GAS2: variants seen among roughly 807,000 people sequenced by gnomAD.
The protein encoded by GAS2 is growth arrest specific 2.
In GAS2, 20 loss-of-function variants were observed where a neutral mutation model predicts 37.5. The observed-to-expected ratio is 0.53, with a 90% CI of 0.37 to 0.77. The LOEUF (loss-of-function observed/expected upper bound fraction) is 0.77. Among genes scored for constraint, GAS2 ranks in the 30% least tolerant of loss-of-function variants. GAS2 has a pLI of 0.00. For synonymous variants in GAS2, 144 were observed against 132.2 expected (o/e 1.09, Z -0.61); for missense variants, 336 against 373.4 (o/e 0.90, Z 0.82).
At chr11:22,704,451 T>C (rs1333901396) in intron 3 of GAS2, among the ~76,000 whole-genome samples, 2 of 151,248 alleles carry the variant, frequency 1.3e-5, no homozygotes, top group Non-Finnish European at 3.0e-5. Context: ...ACCCAGTGTT[T>C]CCAGATACCA....
chr11:22,685,924 T>A, intron 3 of GAS2, 135 bp downstream of exon 3: 1 of 652,046 alleles, frequency 1.5e-6, no homozygotes, highest in Non-Finnish European at 2.3e-6. Flanking sequence ...TACAGAGAGT[T>A]CTTTTTAATT....
intron 7 of GAS2, among the ~76,000 whole-genome samples, chr11:22,804,238 T>C (rs1293891772): frequency 6.6e-6 from 1 of 152,072 alleles, no homozygotes; most frequent in African/African-American, 2.4e-5. Context: ...CAGAATATGT[T>C]AGAATGGCAA....
intron 2 of GAS2, among the ~76,000 whole-genome samples, chr11:22,675,257 G>A (rs75919373): frequency 0.018 from 2,780 of 152,270 alleles, 70 homozygotes; most frequent in African/African-American, 0.063. Context: ...TATGCAGTCA[G>A]ATTGCTTATT....
intron 3 of GAS2, among the ~76,000 whole-genome samples, chr11:22,695,906 C>A (rs1590653593): frequency 6.6e-6 from 1 of 152,138 alleles, no homozygotes; most frequent in East Asian, 1.9e-4. Context: ...CGTTTCTATT[C>A]TTCCTATGCA....
At chr11:22,712,830 A>C (rs543664293) in intron 3 of GAS2, among the ~76,000 whole-genome samples, 39 of 152,110 alleles carry the variant, frequency 2.6e-4, no homozygotes, top group Admixed American at 8.5e-4. Context: ...TAATTCCAGC[A>C]CTTTAGGAGG....
chr11:22,740,320 A>G (rs1853005767), intron 5 of GAS2, among the ~76,000 whole-genome samples: 1 of 152,232 alleles, frequency 6.6e-6, no homozygotes, highest in African/African-American at 2.4e-5. Context: ...GATTATTCAC[A>G]TTACCAAAAA....
chr11:22,686,122 C>T (rs1005135444), intron 3 of GAS2, among the ~76,000 whole-genome samples: 3 of 151,952 alleles, frequency 2.0e-5, no homozygotes, highest in Non-Finnish European at 4.4e-5. Context: ...CAGATCTAGC[C>T]AAGAAAGATT....
intron 2 of GAS2, among the ~76,000 whole-genome samples, chr11:22,681,944 T>C (rs1053041628): frequency 6.6e-6 from 1 of 152,068 alleles, no homozygotes; most frequent in Admixed American, 6.5e-5. Flanking sequence ...ACATTGATTG[T>C]AATCATAAAG....
chr11:22,806,686 T>C (rs1418406477), intron 7 of GAS2, among the ~76,000 whole-genome samples: 1 of 152,194 alleles, frequency 6.6e-6, no homozygotes, highest in African/African-American at 2.4e-5. Flanking sequence ...CTGGCTTTCT[T>C]AGCAAATTAT....
chr11:22,741,759 A>C (rs1324341916), intron 5 of GAS2, among the ~76,000 whole-genome samples: 1 of 152,170 alleles, frequency 6.6e-6, no homozygotes, highest in African/African-American at 2.4e-5. Context: ...CATGGTTGAA[A>C]TTTCCTTCCA....
chr11:22,678,844 T>C (rs1289930249), intron 2 of GAS2, among the ~76,000 whole-genome samples: 2 of 152,000 alleles, frequency 1.3e-5, no homozygotes, highest in East Asian at 1.9e-4. Context: ...TCATATAACA[T>C]TTGTATGTAT....
At chr11:22,679,889 A>G (rs1236835863) in intron 2 of GAS2, among the ~76,000 whole-genome samples, 1 of 152,166 alleles carries the variant, frequency 6.6e-6, no homozygotes, top group African/African-American at 2.4e-5. Context: ...TAGAAAATGC[A>G]TTGACAGTTG....
chr11:22,748,997 A>G, intron 5 of GAS2, 123 bp from the exon 6 acceptor site: 1 of 1,002,238 alleles, frequency 1.0e-6, no homozygotes, highest in Non-Finnish European at 1.4e-6. Flanking sequence ...ATGCCAGAAA[A>G]AAAGTGAATG....
intron 2 of GAS2, among the ~76,000 whole-genome samples, chr11:22,684,270 T>C (rs1849832827): frequency 6.6e-6 from 1 of 152,072 alleles, no homozygotes; most frequent in African/African-American, 2.4e-5. Context: ...AGGAGAAAAT[T>C]AGGGATTGTG....
intron 3 of GAS2, among the ~76,000 whole-genome samples, chr11:22,696,066 A>G (rs968231853): frequency 6.7e-5 from 10 of 150,174 alleles, no homozygotes; most frequent in Admixed American, 4.0e-4. Flanking sequence ...AGCATTAGGT[A>G]TATCTCCTAA....
Position 22,649,679 on chromosome 11 carries a change from T to G in GAS2, c.-21+23866T>G, listed in dbSNP as rs1848748082. On this transcript the variant is annotated intron_variant, in intron 1 of 5. Transcript: ENST00000528582. The stretch of plus-strand genomic sequence containing the variant: ...ATGTGTCGAGGAATGTATCCATTTC[T>G]TCTAGATTTTCTAGTTTATTTGCAT... Among the ~76,000 whole-genome samples, 3 of 152,252 alleles carry G rather than the reference T, an allele frequency of 2.0e-5. No homozygotes were observed. The South Asian group carries it at 6.2e-4, about 31-fold the overall frequency.
intron 7 of GAS2, among the ~76,000 whole-genome samples, chr11:22,770,887 C>G (rs900514119): frequency 2.6e-5 from 4 of 152,118 alleles, no homozygotes; most frequent in African/African-American, 7.2e-5. Context: ...TCATTGAAGA[C>G]GGAGAGCATT....
intron 2 of GAS2, among the ~76,000 whole-genome samples, chr11:22,676,829 C>T (rs1197485663): frequency 5.3e-5 from 8 of 152,040 alleles, no homozygotes; most frequent in African/African-American, 7.2e-5. Context: ...GGTTTTACCA[C>T]TTATTATGTG....
intron 3 of GAS2, among the ~76,000 whole-genome samples, chr11:22,695,326 A>G (rs79348070): frequency 2.1e-5 from 2 of 96,654 alleles, no homozygotes; most frequent in East Asian, 9.8e-4. Flanking sequence ...TCTCAAAAAG[A>G]AAAAAAAAAG....
Sources: allele counts gnomAD v4.1 joint callset (sites outside exome capture counted in the v4.1 genomes callset), GRCh38; gene constraint gnomAD v4.1.1; transcripts MANE v1.5; gene names NCBI Gene and HGNC (gene_info 2026-07-23, HGNC 2026-07-21).